Variants in RFC1 observed in about 807,000 individuals in gnomAD.
The protein encoded by RFC1 is replication factor C subunit 1.
RFC1 carries 37 observed loss-of-function variants against 137.4 expected under a neutral mutation model. The ratio of observed to expected loss-of-function variants is 0.27; its 90% CI spans 0.21 to 0.35. RFC1 has a LOEUF of 0.35. RFC1 is among the 10% of genes least tolerant of loss of function. The pLI is 1.00. For missense variants in RFC1, 1,205 were observed against 1,358.5 expected, an observed-to-expected ratio of 0.89 and a Z score of 1.78; for synonymous variants, 429 against 455.7, an observed-to-expected ratio of 0.94 and a Z score of 0.75.
chr4:39,319,608 T>C (rs774650360), intron 9 of RFC1, among the ~76,000 whole-genome samples: 12 of 152,182 alleles, frequency 7.9e-5, no homozygotes, highest in Admixed American at 1.3e-4. Flanking sequence ...TAATGACTTA[T>C]GATCGTTAGA....
chr4:39,316,328 C>T (rs1457361992), intron 10 of RFC1, among the ~76,000 whole-genome samples: 2 of 152,172 alleles, frequency 1.3e-5, no homozygotes, highest in African/African-American at 2.4e-5. Context: ...CATTCTCATC[C>T]CTTGGTCACT....
intron 7 of RFC1, among the ~76,000 whole-genome samples, chr4:39,322,002 T>C (rs1739544334): frequency 6.6e-6 from 1 of 152,168 alleles, no homozygotes; most frequent in African/African-American, 2.4e-5. Flanking sequence ...CTCTCTGCTT[T>C]AAAGAAGTAA....
At chr4:39,315,207 T>C (rs1021642660) in intron 10 of RFC1, among the ~76,000 whole-genome samples, 39 of 152,280 alleles carry the variant, frequency 2.6e-4, no homozygotes, top group Admixed American at 2.5e-3. Context: ...CATTAATTCA[T>C]GTTACTAAAT....
rs1740339383 is a variant in RFC1, at chr4:39,336,115, TC to T, written c.331+6229del. The stretch of plus-strand genomic sequence containing the variant: ...CTCTCCATATGCCACTTAATTTTTT[TC>T]AGGTCCCATAATACACACTAATAAA... On this transcript the variant is annotated intron_variant, in intron 4 of 24. Coordinates refer to ENST00000349703, the MANE Select transcript of RFC1 (RefSeq NM_002913.5). 2.0e-5 allele frequency among the ~76,000 whole-genome samples: 3 copies of T among 152,150 alleles called. No homozygotes were observed. The East Asian group carries it at 5.8e-4, about 29-fold the overall frequency.
chr4:39,307,679 G>A (rs1435726229), intron 13 of RFC1, among the ~76,000 whole-genome samples: 4 of 151,712 alleles, frequency 2.6e-5, no homozygotes, highest in Admixed American at 6.6e-5. Context: ...TCGCACCACT[G>A]CACTCCAGCC....
intron 1 of RFC1, among the ~76,000 whole-genome samples, chr4:39,359,905 A>G (rs1282705405): frequency 6.6e-6 from 1 of 151,912 alleles, no homozygotes; most frequent in Non-Finnish European, 1.5e-5. Flanking sequence ...AAAGACTACA[A>G]ACTGGATTCA....
intron 10 of RFC1, among the ~76,000 whole-genome samples, chr4:39,314,510 C>CA (rs2109649108): frequency 1.3e-5 from 2 of 152,188 alleles, no homozygotes; most frequent in East Asian, 3.9e-4. Context: ...CTAGTATCCT[C>CA]AACCTCTTCT....
At chr4:39,298,549 C>T (rs1279017286) in intron 21 of RFC1, among the ~76,000 whole-genome samples, 1 of 152,110 alleles carries the variant, frequency 6.6e-6, no homozygotes, top group Non-Finnish European at 1.5e-5. Context: ...AACCTAAATA[C>T]AGTACCCAAT....
intron 1 of RFC1, among the ~76,000 whole-genome samples, chr4:39,364,077 C>T (rs1578182270): frequency 9.7e-6 from 1 of 103,382 alleles, no homozygotes; most frequent in South Asian, 3.1e-4. Flanking sequence ...AAGACCTTGC[C>T]TTTAAAAAAA....
chr4:39,300,841 C>G (rs1251178423), intron 19 of RFC1, among the ~76,000 whole-genome samples: 1 of 152,104 alleles, frequency 6.6e-6, no homozygotes, highest in African/African-American at 2.4e-5. Flanking sequence ...CCCCTGTAAT[C>G]CGAGCACTTT....
intron 4 of RFC1, among the ~76,000 whole-genome samples, chr4:39,328,453 G>C (rs953416524): frequency 6.6e-6 from 1 of 152,238 alleles, no homozygotes; most frequent in African/African-American, 2.4e-5. Flanking sequence ...AAGAATTAAA[G>C]AGTGATGAAG....
At chr4:39,307,150 A>G (rs1738711787) in intron 13 of RFC1, among the ~76,000 whole-genome samples, 1 of 152,190 alleles carries the variant, frequency 6.6e-6, no homozygotes, top group Non-Finnish European at 1.5e-5. Flanking sequence ...TGTTGTGAGG[A>G]CGGAATGGCT....
At chr4:39,295,335 G>A (rs1560587834) in intron 22 of RFC1, among the ~76,000 whole-genome samples, 1 of 152,184 alleles carries the variant, frequency 6.6e-6, no homozygotes, top group African/African-American at 2.4e-5. Flanking sequence ...AACAGTAACA[G>A]TGCCACCTCA....
chr4:39,332,046 C>T (rs1740130113), intron 4 of RFC1, among the ~76,000 whole-genome samples: 1 of 152,192 alleles, frequency 6.6e-6, no homozygotes, highest in Admixed American at 6.5e-5. Flanking sequence ...CCTGCACAAG[C>T]TCTCTTCTCT....
At chr4:39,337,328 C>T (rs978406727) in intron 4 of RFC1, among the ~76,000 whole-genome samples, 6 of 150,366 alleles carry the variant, frequency 4.0e-5, no homozygotes, top group African/African-American at 9.8e-5. Context: ...GACCCAAGAT[C>T]GCACCATTGC....
At position 39,366,339 on chromosome 4, in the gene RFC1, C is replaced by A; in HGVS notation, c.-98G>T. ...ATCCATTCGCGCCAACAACTTCTCC[C>A]GCGAAGTGCAAGAAGGCGAAGACAG... On this transcript the variant is annotated 5_prime_UTR_variant, in exon 1 of 25. Coordinates refer to ENST00000349703, the MANE Select transcript of RFC1 (RefSeq NM_002913.5). The A allele has an allele frequency of 7.5e-7, 1 of 1,341,334 alleles. No individual in the cohort carries two copies. Among genetic ancestry groups the A allele is most frequent in the South Asian group, 1.6e-5 (1 of 64,264 alleles). 83.1% of individuals were successfully genotyped at this position (1,341,334 alleles called of 1,614,324 possible). A position where few individuals can be genotyped will look rare whatever the true frequency, so the allele number is the denominator to read the frequency against.
At chr4:39,291,947 T>C (rs1737703477) in intron 22 of RFC1, 95 bp from the exon 23 acceptor site, 1 of 893,856 alleles carries the variant, frequency 1.1e-6, no homozygotes. Context: ...CAGAGTTCAA[T>C]CCAATTTCAA....
At chr4:39,326,417 T>C in intron 6 of RFC1, 146 bp downstream of exon 6, 2 of 587,572 alleles carry the variant, frequency 3.4e-6, no homozygotes, top group Non-Finnish European at 6.0e-6. Context: ...TCATCATTTA[T>C]CTTGTATAGA....
intron 1 of RFC1, 139 bp downstream of exon 1, chr4:39,366,100 C>T (rs1742013454): frequency 7.7e-6 from 7 of 905,494 alleles, no homozygotes; most frequent in Non-Finnish European, 9.5e-6. Flanking sequence ...CGGTGTGCGG[C>T]CCCTTCTCTG....
Sources: gnomAD v4.1 joint callset for allele counts (sites outside exome capture counted in the v4.1 genomes callset) on GRCh38, gnomAD v4.1.1 for gene constraint, MANE v1.5 for transcripts, NCBI Gene and HGNC (gene_info 2026-07-23, HGNC 2026-07-21) for gene names.